TRAPPC12: variants seen among roughly 807,000 people sequenced by gnomAD.
TRAPPC12 encodes trafficking protein particle complex subunit 12.
TRAPPC12 carries 61 observed loss-of-function variants against 69.2 expected under a neutral mutation model. That is an observed-to-expected ratio of 0.88 (90% confidence interval 0.72 to 1.09). The LOEUF (loss-of-function observed/expected upper bound fraction) is 1.09. TRAPPC12 is among the 50% of genes least tolerant of loss of function. The pLI is 0.00. For synonymous variants in TRAPPC12, 469 were observed against 438.9 expected (o/e 1.07, Z -0.86); for missense variants, 1,101 against 1,016.4 (o/e 1.08, Z -1.13).
At chr2:3,415,663 CACAGT>C (rs1662336982) in intron 3 of TRAPPC12, among the ~76,000 whole-genome samples, 1 of 151,500 alleles carries the variant, frequency 6.6e-6, no homozygotes, top group Non-Finnish European at 1.5e-5. Context: ...CTCAGCCTCC[CACAGT>C]GCTGGGGTTA....
At chr2:3,398,710 A>C (rs1037383799) in intron 2 of TRAPPC12, among the ~76,000 whole-genome samples, 2 of 152,228 alleles carry the variant, frequency 1.3e-5, no homozygotes, top group African/African-American at 4.8e-5. Flanking sequence ...CCAGGCCCTA[A>C]CCGCCTGTCA....
In TRAPPC12 at chr2:3,387,941, CACCCCGAG is replaced by C; in HGVS notation, c.319_326del (p.Thr107SerfsTer18). 6.7e-7 allele frequency: 1 copy of C among 1,494,126 alleles called. No individual in the cohort carries two copies. 92.6% of individuals were successfully genotyped at this position (1,494,126 alleles called of 1,614,324 possible). A position where few individuals can be genotyped will look rare whatever the true frequency, so the allele number is the denominator to read the frequency against. On this transcript the variant is annotated frameshift_variant, in exon 2 of 12. Coordinates refer to ENST00000324266, the MANE Select transcript of TRAPPC12 (RefSeq NM_016030.6). LOFTEE classifies it high-confidence loss of function. ...GCGACCCAGGCCCGGAGCCCGCGGG[CACCCCGAG>C]TCCCAGCGGCGAGGCCGACGGCGAC...
chr2:3,383,327 C>T (rs746522660), intron 1 of TRAPPC12, among the ~76,000 whole-genome samples: 4 of 152,308 alleles, frequency 2.6e-5, no homozygotes, highest in Non-Finnish European at 4.4e-5. Context: ...TTTGCCTACT[C>T]TGAAAATATA....
At chr2:3,458,846 G>A (rs1298993368) in intron 7 of TRAPPC12, among the ~76,000 whole-genome samples, 1 of 152,158 alleles carries the variant, frequency 6.6e-6, no homozygotes, top group East Asian at 1.9e-4. Context: ...TTTAGAGCAG[G>A]AAAGGAATCT....
In TRAPPC12 at chr2:3,426,019, C is replaced by T. The variant is rs148392567; in HGVS notation, c.1417+1356C>T. On this transcript the variant is annotated intron_variant, in intron 5 of 11. Transcript: ENST00000324266. ...GCCGGCTTTCTTTATTCCCCATGCT[C>T]TCTCCTTTATCATCTTTACCTTCCT... Among the ~76,000 whole-genome samples the T allele has an allele frequency of 1.4e-4, 21 of 152,272 alleles. No homozygotes were observed. The East Asian group carries it at 3.3e-3, about 24-fold the overall frequency.
chr2:3,433,690 G>A (rs536189485), intron 5 of TRAPPC12, among the ~76,000 whole-genome samples: 42 of 152,306 alleles, frequency 2.8e-4, no homozygotes, highest in African/African-American at 9.9e-4. Context: ...CGGATTTTCA[G>A]CACAACAAGG....
intron 5 of TRAPPC12, among the ~76,000 whole-genome samples, chr2:3,431,617 G>A (rs1663447974): frequency 6.7e-6 from 1 of 149,482 alleles, no homozygotes; most frequent in Non-Finnish European, 1.5e-5. Flanking sequence ...TTTTTAAATT[G>A]TTACACTAGT....
rs759681426 is a variant in TRAPPC12 at position 3,460,340 on chromosome 2, C to T, written c.1677+4C>T. The T allele has an allele frequency of 6.9e-6, 6 of 870,474 alleles. No homozygotes were observed. The highest frequency in any genetic ancestry group is 2.6e-5 in the South Asian group (2 of 76,284). The allele number at this position is 870,474 out of a possible 1,614,324, so 53.9% of individuals were successfully genotyped here. A position where few individuals can be genotyped will look rare whatever the true frequency, so the allele number is the denominator to read the frequency against. ...AAACTGTCTGCTCCTGATGAAGGTACGTGGGTGGCCAAGCAGGGCTGCCAT... is the reference window on the plus strand; with the variant it reads ...AAACTGTCTGCTCCTGATGAAGGTATGTGGGTGGCCAAGCAGGGCTGCCAT... On this transcript the variant is annotated splice_donor_region_variant and intron_variant, in intron 8 of 11. Transcript: ENST00000324266.
intron 9 of TRAPPC12, chr2:3,468,056 C>T (rs975916998): frequency 6.6e-6 from 1 of 152,340 alleles, no homozygotes. Flanking sequence ...AGAGCCCTAG[C>T]TAACCTTTTC....
chr2:3,410,043 C>T (rs1661971414), intron 3 of TRAPPC12, among the ~76,000 whole-genome samples: 1 of 152,234 alleles, frequency 6.6e-6, no homozygotes, highest in South Asian at 2.1e-4. Flanking sequence ...CAGACTCTCT[C>T]TGCCACGTGC....
At chr2:3,465,750 C>A in intron 9 of TRAPPC12, 55 bp downstream of exon 9, 1 of 1,163,276 alleles carries the variant, frequency 8.6e-7, no homozygotes, top group Non-Finnish European at 1.3e-6. Flanking sequence ...GTTCTTTGCT[C>A]AGATGGGCGA....
intron 3 of TRAPPC12, among the ~76,000 whole-genome samples, chr2:3,402,520 G>A (rs907857646): frequency 2.0e-5 from 3 of 151,440 alleles, no homozygotes; most frequent in East Asian, 1.9e-4. Flanking sequence ...ACTGGGACCC[G>A]GGAGGTGGAG....
In TRAPPC12 at chr2:3,443,905, T is replaced by C; in HGVS notation, c.1530+14T>C. On this transcript the variant is annotated intron_variant, in intron 6 of 11. Coordinates refer to ENST00000324266, the MANE Select transcript of TRAPPC12 (RefSeq NM_016030.6). ...GTCTGCAGCAAGGTAGGTGGCGCTGTCATTCTTCCCTGCCACGGGGAGAAC... is the reference window on the plus strand; with the variant it reads ...GTCTGCAGCAAGGTAGGTGGCGCTGCCATTCTTCCCTGCCACGGGGAGAAC... The C allele has an allele frequency of 6.3e-7, 1 of 1,599,310 alleles. No homozygotes were observed. Among genetic ancestry groups the C allele is most frequent in the South Asian group, 1.1e-5 (1 of 90,484 alleles).
At chr2:3,388,879 G>C (rs1477727196) in intron 2 of TRAPPC12, 4 of 502,466 alleles carry the variant, frequency 8.0e-6, no homozygotes, top group Non-Finnish European at 1.4e-5. Flanking sequence ...CTGCTACTCA[G>C]AGAGGTAGAA....
intron 5 of TRAPPC12, among the ~76,000 whole-genome samples, chr2:3,427,606 G>A (rs1188031258): frequency 6.6e-6 from 1 of 152,220 alleles, no homozygotes; most frequent in African/African-American, 2.4e-5. Context: ...TATCCAGCTT[G>A]GCTGGGTACA....
rs1178037763 is a variant in TRAPPC12, at chr2:3,420,561, G to C, written c.1165-1320G>C. ...CCATTGCTGAGCCTGCAGTGTGAGT[G>C]TGAGGCCACATGTCAGAACCCCGGA... On this transcript the variant is annotated intron_variant, in intron 3 of 11. Transcript: ENST00000324266. Among the ~76,000 whole-genome samples the C allele has an allele frequency of 2.6e-5, 4 of 152,294 alleles. No homozygotes were observed. In the East Asian group the frequency reaches 7.7e-4, roughly 29 times the overall value.
intron 1 of TRAPPC12, 77 bp from the exon 2 acceptor site, chr2:3,387,543 C>G (rs1369359690): frequency 1.8e-6 from 2 of 1,138,470 alleles, no homozygotes; most frequent in African/African-American, 1.6e-5. Flanking sequence ...TCATTTGAAT[C>G]TATAAGCAAT....
intron 9 of TRAPPC12, among the ~76,000 whole-genome samples, chr2:3,471,621 A>G (rs1326734522): frequency 6.6e-6 from 1 of 152,204 alleles, no homozygotes; most frequent in African/African-American, 2.4e-5. Flanking sequence ...TGTAAGCAAG[A>G]TTGAAGTCAT....
chr2:3,460,584 A>G, intron 8 of TRAPPC12: 4 of 452,864 alleles, frequency 8.8e-6, no homozygotes, highest in Non-Finnish European at 1.6e-5. Context: ...TGTGGGTCTA[A>G]ATGATTTAAT....
Sources: gnomAD v4.1 joint callset for allele counts (sites outside exome capture counted in the v4.1 genomes callset) on GRCh38, gnomAD v4.1.1 for gene constraint, MANE v1.5 for transcripts, NCBI Gene and HGNC (gene_info 2026-07-23, HGNC 2026-07-21) for gene names.